The following CACNA1C variants were observed in gnomAD, a reference collection of about 807,000 sequenced individuals.
CACNA1C encodes voltage-dependent L-type calcium channel subunit alpha-1C.
CACNA1C carries 30 observed loss-of-function variants against 229.0 expected under a neutral mutation model. The ratio of observed to expected loss-of-function variants is 0.13; its 90% CI spans 0.10 to 0.18. CACNA1C has a LOEUF of 0.18. CACNA1C is among the 10% of genes least tolerant of loss of function. The probability of loss-of-function intolerance (pLI) is 1.00; values close to 1 mark genes in which losing one functional copy is unlikely to be tolerated. For missense variants in CACNA1C, 1,658 were observed against 2,845.0 expected, an observed-to-expected ratio of 0.58 and a Z score of 9.49; for synonymous variants, 1,114 against 1,132.5, an observed-to-expected ratio of 0.98 and a Z score of 0.33.
At chr12:2,166,238 TC>T (rs1303389220) in intron 3 of CACNA1C, among the ~76,000 whole-genome samples, 1 of 152,150 alleles carries the variant, frequency 6.6e-6, no homozygotes, top group Non-Finnish European at 1.5e-5. Context: ...CTTGGCCCCC[TC>T]CTCACCAGCT....
intron 7 of CACNA1C, among the ~76,000 whole-genome samples, chr12:2,499,616 T>C (rs1394660059): frequency 1.3e-5 from 2 of 152,178 alleles, no homozygotes; most frequent in African/African-American, 2.4e-5. Context: ...TCCCTCCCTT[T>C]GTAGTGAGGC....
Position 2,488,577 on chromosome 12 carries a change from A to G in CACNA1C, c.916+2315A>G, listed in dbSNP as rs1242165289. The stretch of plus-strand genomic sequence containing the variant: ...AAAAGTGCCTGAGAAGTTGCCTCCT[A>G]CCAAGAGACTCATCAGATTGTTTAT... On this transcript the variant is annotated intron_variant, in intron 6 of 46. Transcript: ENST00000399655. The surrounding 1 kb of genome is among the most constrained non-coding windows in gnomAD (Gnocchi z 4.0). 6.6e-6 allele frequency among the ~76,000 whole-genome samples: 1 copy of G among 152,208 alleles called. No individual in the cohort carries two copies. Among genetic ancestry groups the G allele is most frequent in the African/African-American group, 2.4e-5 (1 of 41,474 alleles).
intron 5 of CACNA1C, among the ~76,000 whole-genome samples, chr12:2,482,786 T>C (rs1261939872): frequency 6.6e-6 from 1 of 152,180 alleles, no homozygotes; most frequent in Admixed American, 6.5e-5. Context: ...GTGCTGAACC[T>C]AAGTCTTTCC....
At chr12:2,377,555 C>T (rs914651923) in intron 3 of CACNA1C, among the ~76,000 whole-genome samples, 5 of 152,112 alleles carry the variant, frequency 3.3e-5, no homozygotes, top group African/African-American at 4.8e-5. Flanking sequence ...GTTGCAATTT[C>T]GATTGTGGGA....
chr12:2,333,842 G>A (rs2096619241), intron 3 of CACNA1C, among the ~76,000 whole-genome samples: 1 of 152,096 alleles, frequency 6.6e-6, no homozygotes, highest in Admixed American at 6.5e-5. Context: ...CCCTCCTTAG[G>A]GTCTCACAAG....
intron 3 of CACNA1C, among the ~76,000 whole-genome samples, chr12:2,297,792 C>T (rs938759443): frequency 2.8e-4 from 42 of 152,146 alleles, no homozygotes; most frequent in African/African-American, 9.9e-4. Flanking sequence ...TGTGCATATA[C>T]GTGTATCTGT....
chr12:2,075,734 C>T (rs2062958424), intron 1 of CACNA1C, among the ~76,000 whole-genome samples: 1 of 152,156 alleles, frequency 6.6e-6, no homozygotes, highest in Non-Finnish European at 1.5e-5. Flanking sequence ...TTGTCCTTGT[C>T]CCAACCTCAG....
chr12:2,097,238 C>T lies in CACNA1C; in HGVS notation c.50-17986C>T, dbSNP rs534267022. Among the ~76,000 whole-genome samples the T allele has an allele frequency of 2.0e-5, 3 of 152,238 alleles. No individual in the cohort carries two copies. The South Asian group carries it at 6.2e-4, about 32-fold the overall frequency. ...TCGGCTCACTGCAAGCTCCGCCTCC[C>T]AGGTTCACACCATTCTCCTGCCTCA... On this transcript the variant is annotated intron_variant, in intron 1 of 46. Coordinates refer to ENST00000399655, the MANE Select transcript of CACNA1C (RefSeq NM_000719.7).
chr12:2,240,327 C>T (rs141364810), intron 3 of CACNA1C, among the ~76,000 whole-genome samples: 57 of 152,264 alleles, frequency 3.7e-4, no homozygotes, highest in Middle Eastern at 3.4e-3. Context: ...AAAACAAAGA[C>T]GTACCATGGT....
chr12:2,663,651 C>T (rs1294386180), intron 34 of CACNA1C, among the ~76,000 whole-genome samples: 1 of 151,644 alleles, frequency 6.6e-6, no homozygotes, highest in African/African-American at 2.4e-5. Flanking sequence ...GAGATCACCA[C>T]TGAAGGGCTT....
chr12:2,413,946 C>T (rs1193704175), intron 3 of CACNA1C, among the ~76,000 whole-genome samples: 3 of 152,164 alleles, frequency 2.0e-5, no homozygotes, highest in African/African-American at 7.2e-5. Context: ...AAGCTGAGAC[C>T]ATCTGATGAG....
intron 3 of CACNA1C, among the ~76,000 whole-genome samples, chr12:2,345,546 CA>C (rs769377326): frequency 4.6e-4 from 70 of 152,234 alleles, no homozygotes; most frequent in Non-Finnish European, 8.7e-4. Flanking sequence ...CTCCATTTCA[CA>C]AATGTTGAAA....
In CACNA1C at chr12:2,575,973, A is replaced by G. The variant is rs1568524541; in HGVS notation, c.1896-5617A>G. On this transcript the variant is annotated intron_variant, in intron 13 of 46. Coordinates refer to ENST00000399655, the MANE Select transcript of CACNA1C (RefSeq NM_000719.7). The surrounding 1 kb of genome is among the most constrained non-coding windows in gnomAD (Gnocchi z 4.0). ...CAGAGACAGACCTAGAGACGGGGAA[A>G]CAAATGGAGATAAAAGGATTTCTGA... Among the ~76,000 whole-genome samples, 1 of 152,204 alleles carries G rather than the reference A, an allele frequency of 6.6e-6. No individual in the cohort carries two copies. The highest frequency in any genetic ancestry group is 1.5e-5 in the Non-Finnish European group (1 of 68,044).
At chr12:2,505,244 T>C (rs2099769013) in intron 8 of CACNA1C, among the ~76,000 whole-genome samples, 1 of 152,196 alleles carries the variant, frequency 6.6e-6, no homozygotes, top group Non-Finnish European at 1.5e-5. Context: ...CTTCGTGGCC[T>C]CTGGTGAACA....
At position 2,430,447 on chromosome 12, in the gene CACNA1C, A is replaced by G. The variant is rs117929595; in HGVS notation, c.478-18529A>G. On this transcript the variant is annotated intron_variant, in intron 3 of 46. Transcript: ENST00000399655. ...CAAAGTGACCCAGATACCTTGATTC[A>G]TGGTCCAGTATATTCTTTTAACTAG... is the stretch of plus-strand genomic sequence containing the variant. 2.0e-5 allele frequency among the ~76,000 whole-genome samples: 3 copies of G among 152,264 alleles called. No individual in the cohort carries two copies. In the East Asian group the frequency reaches 5.8e-4, roughly 29 times the overall value.
intron 34 of CACNA1C, among the ~76,000 whole-genome samples, chr12:2,661,821 T>G (rs894815051): frequency 5.3e-5 from 8 of 152,218 alleles, no homozygotes; most frequent in African/African-American, 1.9e-4. Flanking sequence ...AAGTGGAAGA[T>G]TAAAAGATTA....
intron 29 of CACNA1C, among the ~76,000 whole-genome samples, chr12:2,624,825 A>G (rs1243399240): frequency 6.6e-6 from 1 of 152,236 alleles, no homozygotes; most frequent in East Asian, 1.9e-4. Flanking sequence ...AGTGTCTGCC[A>G]CCGTCCACAG....
At chr12:2,353,926 C>T (rs2097279929) in intron 3 of CACNA1C, among the ~76,000 whole-genome samples, 1 of 152,178 alleles carries the variant, frequency 6.6e-6, no homozygotes, top group Admixed American at 6.5e-5. Flanking sequence ...CTGCCATCAG[C>T]AGTGGGCCTT....
chr12:2,356,634 A>G (rs959118246), intron 3 of CACNA1C, among the ~76,000 whole-genome samples: 1 of 152,226 alleles, frequency 6.6e-6, no homozygotes, highest in Admixed American at 6.5e-5. Context: ...TGACCTGAAG[A>G]GGCAGATGAC....
Sources: allele counts gnomAD v4.1 joint callset (sites outside exome capture counted in the v4.1 genomes callset), GRCh38; gene constraint gnomAD v4.1.1; non-coding constraint Gnocchi (gnomAD v3.1); transcripts MANE v1.5; gene names NCBI Gene and HGNC (gene_info 2026-07-23, HGNC 2026-07-21).